Variants in TXNDC8 observed in about 807,000 individuals in gnomAD.
TXNDC8 encodes the protein thioredoxin domain containing 8.
TXNDC8 carries 15 observed loss-of-function variants against 12.9 expected under a neutral mutation model. That is an observed-to-expected ratio of 1.16 (90% CI 0.78 to 1.79). The LOEUF is 1.79. Among genes scored for constraint, TXNDC8 ranks in the 40% most tolerant of loss-of-function variants. The pLI is 0.00. For missense variants in TXNDC8, 128 were observed against 113.2 expected (o/e 1.13, Z -0.59); for synonymous variants, 40 against 35.4 (o/e 1.13, Z -0.46).
intron 3 of TXNDC8, among the ~76,000 whole-genome samples, chr9:110,305,498 A>G (rs2118686252): frequency 6.6e-6 from 1 of 152,286 alleles, no homozygotes; most frequent in African/African-American, 2.4e-5. Flanking sequence ...GTTCTGCTTC[A>G]GTAGAAGCTA....
intron 3 of TXNDC8, among the ~76,000 whole-genome samples, chr9:110,305,239 C>T (rs112348470): frequency 0.057 from 8,637 of 150,764 alleles, 300 homozygotes; most frequent in Middle Eastern, 0.094. Flanking sequence ...TGGAATTCTA[C>T]GATATGTATT....
chr9:110,337,514 C>A lies in TXNDC8; in HGVS notation c.24+259G>T, dbSNP rs149589049. On this transcript the variant is annotated intron_variant, in intron 1 of 4. Transcript: ENST00000423740. Reference sequence around the variant, plus strand: ...AGGATGGGATGTACTAGGAGCTGGTCTGGGATTCACCTGAAGTCAGGCAGG... The same window carrying A: ...AGGATGGGATGTACTAGGAGCTGGTATGGGATTCACCTGAAGTCAGGCAGG... Among the ~76,000 whole-genome samples the A allele has an allele frequency of 3.5e-3, 532 of 152,282 alleles. 16 individuals are homozygous for A. Among genetic ancestry groups the A allele is most frequent in the Admixed American group, 0.03 (455 of 15,288 alleles).
At position 110,311,619 on chromosome 9, in the gene TXNDC8, AATAGAT is replaced by A. The variant is rs1250482026; in HGVS notation, c.196-7093_196-7088del. Among the ~76,000 whole-genome samples the A allele has an allele frequency of 5.6e-4, 68 of 121,356 alleles. 1 individual carries two copies. The highest frequency in any genetic ancestry group is 1.9e-3 in the African/African-American group (62 of 31,894). The allele number at this position is 121,356 out of a possible 152,430, so 79.6% of individuals were successfully genotyped here. A position where few individuals can be genotyped will look rare whatever the true frequency, so the allele number is the denominator to read the frequency against. ...ATATCCATATATATATGGATATAGT[AATAGAT>A]ATATATATCTCCATACTATATATAT... On this transcript the variant is annotated intron_variant, in intron 3 of 4. Coordinates refer to ENST00000423740, the MANE Select transcript of TXNDC8 (RefSeq NM_001286946.2).
intron 3 of TXNDC8, among the ~76,000 whole-genome samples, chr9:110,307,981 A>C (rs1838525543): frequency 6.6e-6 from 1 of 150,860 alleles, no homozygotes; most frequent in Non-Finnish European, 1.5e-5. Flanking sequence ...AAATTAACTG[A>C]AACCTATCTC....
Position 110,303,708 on chromosome 9 carries a change from A to C in TXNDC8, c.262T>G (p.Cys88Gly). The C allele has an allele frequency of 1.9e-6, 3 of 1,585,048 alleles. No individual in the cohort carries two copies. Among genetic ancestry groups the C allele is most frequent in the Non-Finnish European group, 2.6e-6 (3 of 1,161,588 alleles). ...TACTCATTTCCATCATCTGCAAGAC[A>C]CTTTAAATATAAATATACATTAAAC... The change falls in exon 5 of 5, where the codon TGT (cysteine) becomes GGT (glycine). Residue 88 changes from cysteine to glycine, a missense_variant and splice_region_variant. By Grantham distance (159) the Cys-to-Gly change is radical (BLOSUM62 -3). Coordinates refer to ENST00000423740, the MANE Select transcript of TXNDC8 (RefSeq NM_001286946.2).
chr9:110,311,762 G>GGATATACTATA (rs1838694956), intron 3 of TXNDC8, among the ~76,000 whole-genome samples: 1 of 131,344 alleles, frequency 7.6e-6, no homozygotes, highest in Admixed American at 7.9e-5. Flanking sequence ...GATATACTAT[G>GGATATACTATA]TACTATATAT....
chr9:110,313,565 G>A (rs1237416581), intron 3 of TXNDC8, among the ~76,000 whole-genome samples: 1 of 152,158 alleles, frequency 6.6e-6, no homozygotes, highest in Non-Finnish European at 1.5e-5. Flanking sequence ...GCCAGGCGTG[G>A]TGGCACATGC....
intron 2 of TXNDC8, among the ~76,000 whole-genome samples, chr9:110,331,750 T>C (rs545197602): frequency 6.6e-6 from 1 of 152,296 alleles, no homozygotes; most frequent in East Asian, 1.9e-4. Context: ...GCATGTGCAA[T>C]TCACAATAGG....
At chr9:110,306,155 C>T (rs1838463529) in intron 3 of TXNDC8, among the ~76,000 whole-genome samples, 1 of 152,196 alleles carries the variant, frequency 6.6e-6, no homozygotes. Flanking sequence ...GTGTGAGCCA[C>T]CATGCCTGGC....
intron 2 of TXNDC8, among the ~76,000 whole-genome samples, chr9:110,331,431 G>GT (rs1436454493): frequency 6.6e-6 from 1 of 152,224 alleles, no homozygotes; most frequent in Admixed American, 6.5e-5. Context: ...AGGTGGGTCT[G>GT]TGGTGCTCTG....
intron 3 of TXNDC8, among the ~76,000 whole-genome samples, chr9:110,313,003 T>A (rs1439447928): frequency 6.6e-6 from 1 of 152,152 alleles, no homozygotes; most frequent in African/African-American, 2.4e-5. Context: ...CCACCCGGAT[T>A]CAAGTGATTC....
intron 2 of TXNDC8, 39 bp from the exon 4 acceptor site, chr9:110,326,279 G>T: frequency 6.2e-7 from 1 of 1,607,750 alleles, no homozygotes; most frequent in Non-Finnish European, 8.5e-7. Flanking sequence ...TACAGTATTG[G>T]TGTCCTCTCT....
intron 3 of TXNDC8, among the ~76,000 whole-genome samples, chr9:110,305,147 CAAAAAAAA>C (rs769344640): frequency 5.3e-5 from 3 of 57,128 alleles, no homozygotes; most frequent in East Asian, 1.1e-3. Context: ...GATTCTGTCT[CAAAAAAAA>C]AAAAAAAAAA....
Position 110,334,288 on chromosome 9 carries a change from T to C in TXNDC8, c.57A>G (p.Gly19=), listed in dbSNP as rs767641631. 9.3e-6 allele frequency: 15 copies of C among 1,613,712 alleles called. No homozygotes were observed. In the South Asian group the frequency reaches 1.6e-4, roughly 18 times the overall value. Residue 19 remains glycine (G), a synonymous_variant, in exon 2 of 5, where the codon GGA becomes GGG. Coordinates refer to ENST00000423740, the MANE Select transcript of TXNDC8 (RefSeq NM_001286946.2). The stretch of plus-strand genomic sequence containing the variant: ...AAAATTGAACCACTGCGAGTTTGTG[T>C]CCGGCAGCTGTCAAAAATGTTTTAA...
chr9:110,329,142 G>A (rs1839453178), intron 2 of TXNDC8, 90 bp downstream of exon 3: 1 of 1,064,214 alleles, frequency 9.4e-7, no homozygotes, highest in Admixed American at 2.3e-5. Context: ...ATTTTAAATT[G>A]GTCATGTATT....
Position 110,303,614 on chromosome 9 carries a change from TATTGA to T in TXNDC8, c.*63_*67del. 1 of 1,570,768 alleles carries T rather than the reference TATTGA, an allele frequency of 6.4e-7. No individual in the cohort carries two copies. The highest frequency in any genetic ancestry group is 8.7e-7 in the Non-Finnish European group (1 of 1,154,502). ...CACAAATGCACAAAGGTGAAACATT[TATTGA>T]TTCAAGTGCTGCGAAAATGTTGAGG... On this transcript the variant is annotated 3_prime_UTR_variant, in exon 5 of 5. Transcript: ENST00000423740.
intron 3 of TXNDC8, among the ~76,000 whole-genome samples, chr9:110,305,540 TTTTCTTTTTCTTTC>T (rs879743740): frequency 1.0e-3 from 151 of 145,308 alleles, no homozygotes; most frequent in Middle Eastern, 3.6e-3. Context: ...ACTGCATGTA[TTTTCTTTTTCTTTC>T]TTTCTTTCTT....
chr9:110,312,338 C>T (rs542434532), intron 3 of TXNDC8, among the ~76,000 whole-genome samples: 3 of 152,216 alleles, frequency 2.0e-5, no homozygotes, highest in South Asian at 4.1e-4. Context: ...TTGGAGAAAC[C>T]GGTTATTTTA....
At chr9:110,327,338 T>G (rs1454844767) in intron 2 of TXNDC8, among the ~76,000 whole-genome samples, 1 of 148,288 alleles carries the variant, frequency 6.7e-6, no homozygotes, top group Non-Finnish European at 1.5e-5. Flanking sequence ...TTTTTTTTTT[T>G]TGAGATGGAA....
Sources: gnomAD v4.1 joint callset for allele counts (sites outside exome capture counted in the v4.1 genomes callset) on GRCh38, gnomAD v4.1.1 for gene constraint, MANE v1.5 for transcripts, NCBI Gene and HGNC (gene_info 2026-07-23, HGNC 2026-07-21) for gene names.